YIPF6: variants seen among roughly 807,000 people sequenced by gnomAD.
YIPF6 encodes Yip1 domain family member 6, also known as protein YIPF6.
YIPF6 carries 3 observed loss-of-function variants against 16.8 expected under a neutral mutation model. The ratio of observed to expected loss-of-function variants is 0.18; its 90% confidence interval spans 0.08 to 0.46. YIPF6 has a LOEUF of 0.46. Among genes scored for constraint, YIPF6 ranks in the 20% least tolerant of loss-of-function variants. YIPF6 has a pLI of 0.98. For missense variants in YIPF6, 145 were observed against 184.9 expected (o/e 0.78, Z 1.25); for synonymous variants, 67 against 61.9 (o/e 1.08, Z -0.38).
intron 1 of YIPF6, among the ~76,000 whole-genome samples, chrX:68,509,208 C>G: frequency 9.1e-6 from 1 of 109,366 alleles, no homozygotes; most frequent in East Asian, 2.9e-4. Flanking sequence ...CTCCTGGGCT[C>G]AAGTGATCCT....
chrX:68,517,485 T>C (rs1333528219), intron 3 of YIPF6, among the ~76,000 whole-genome samples: 1 of 112,461 alleles, frequency 8.9e-6, no homozygotes, highest in East Asian at 2.8e-4. Context: ...CTAGACCTGA[T>C]GTTGGCAGAG....
chrX:68,527,158 A>G (rs1446659652), intron 6 of YIPF6, among the ~76,000 whole-genome samples: 1 of 111,550 alleles, frequency 9.0e-6, no homozygotes, highest in African/African-American at 3.3e-5. Flanking sequence ...AGAACTTATT[A>G]TTGGTCTATT....
At chrX:68,509,781 A>C (rs781591970) in intron 1 of YIPF6, among the ~76,000 whole-genome samples, 3 of 110,717 alleles carry the variant, frequency 2.7e-5, no homozygotes, top group Non-Finnish European at 5.7e-5. Context: ...GTGAGTTGTC[A>C]CCTGTGTTCT....
In YIPF6 at chrX:68,535,038, A is replaced by G. The variant is rs969133536; in HGVS notation, c.*3039A>G. On this transcript the variant is annotated 3_prime_UTR_variant, in exon 7 of 7. Transcript: ENST00000462683. ...GAGTATAAAAACTCAATTGATTCCA[A>G]CATATCTGAATGTGCAGTAAAGTCT... 6.2e-5 allele frequency: 7 copies of G among 112,669 alleles called. No individual in the cohort carries two copies. Among genetic ancestry groups the G allele is most frequent in the African/African-American group, 2.3e-4 (7 of 31,059 alleles). The allele number at this position is 112,669 out of a possible 1,213,427, so 9.3% of individuals were successfully genotyped here.
intron 6 of YIPF6, among the ~76,000 whole-genome samples, chrX:68,526,350 G>A (rs1381854228): frequency 1.8e-5 from 2 of 111,875 alleles, no homozygotes; most frequent in Non-Finnish European, 3.8e-5. Flanking sequence ...AGACTTTGCT[G>A]AAGTTGCTTA....
chrX:68,513,223 T>C, intron 2 of YIPF6, 104 bp from the exon 3 acceptor site: 1 of 567,311 alleles, frequency 1.8e-6, no homozygotes, highest in Non-Finnish European at 2.8e-6. Flanking sequence ...CAAAATTCAG[T>C]GAAGAGTTCA....
intron 1 of YIPF6, among the ~76,000 whole-genome samples, chrX:68,507,481 A>T (rs745969163): frequency 9.0e-6 from 1 of 111,041 alleles, no homozygotes; most frequent in Non-Finnish European, 1.9e-5. Flanking sequence ...TTCAGTGTTG[A>T]TAGTTTTATT....
At chrX:68,504,564 T>C (rs2079052990) in intron 1 of YIPF6, among the ~76,000 whole-genome samples, 2 of 112,022 alleles carry the variant, frequency 1.8e-5, no homozygotes, top group African/African-American at 3.2e-5. Flanking sequence ...CAGGAAATTC[T>C]AAGTTTAGAG....
rs1438407499 is a variant in YIPF6, at chrX:68,499,078, G to A, written c.12G>A (p.Ala4=). ...GAAGGAGGGCCAAGATGGCGGAAGCGGAGGAGTCTCCAGGAGACCCGGGGA... is the reference window on the plus strand; with the variant it reads ...GAAGGAGGGCCAAGATGGCGGAAGCAGAGGAGTCTCCAGGAGACCCGGGGA... The part of the protein sequence containing the change: MAE[A]EESPGDPGTA... The change falls in exon 1 of 7, where the codon GCG becomes GCA. Residue 4 remains alanine, a synonymous_variant. Transcript: ENST00000462683. The A allele has an allele frequency of 3.4e-6, 4 of 1,189,812 alleles. No individual in the cohort carries two copies. Among genetic ancestry groups the A allele is most frequent in the Non-Finnish European group, 4.5e-6 (4 of 884,274 alleles).
intron 1 of YIPF6, among the ~76,000 whole-genome samples, chrX:68,507,929 C>T (rs767289023): frequency 8.1e-5 from 9 of 110,522 alleles, no homozygotes; most frequent in Non-Finnish European, 1.5e-4. Flanking sequence ...ATCTTTGTTC[C>T]TGTAAATGCA....
At chrX:68,503,979 A>G (rs1293222516) in intron 1 of YIPF6, among the ~76,000 whole-genome samples, 1 of 112,182 alleles carries the variant, frequency 8.9e-6, no homozygotes, top group African/African-American at 3.2e-5. Context: ...TTGGCCTCCC[A>G]AATTGCTGGG....
At chrX:68,518,957 G>A (rs1202893448) in intron 4 of YIPF6, 145 bp downstream of exon 4, 9 of 511,541 alleles carry the variant, frequency 1.8e-5, no homozygotes, top group South Asian at 1.2e-4. Context: ...AGGTATTTAA[G>A]CCTCTAAAGT....
chrX:68,525,401 T>G (rs2079143631), intron 6 of YIPF6, among the ~76,000 whole-genome samples: 1 of 112,326 alleles, frequency 8.9e-6, no homozygotes, highest in Non-Finnish European at 1.9e-5. Flanking sequence ...GTCAGATGGA[T>G]AGATTGCAAA....
intron 5 of YIPF6, among the ~76,000 whole-genome samples, chrX:68,522,463 A>AT (rs1290524854): frequency 3.7e-5 from 4 of 108,412 alleles, no homozygotes; most frequent in East Asian, 2.9e-4. Context: ...TGCCCGGCTA[A>AT]TTTTTTTTTG....
intron 4 of YIPF6, among the ~76,000 whole-genome samples, chrX:68,520,609 C>G: frequency 9.0e-6 from 1 of 111,343 alleles, no homozygotes; most frequent in Non-Finnish European, 1.9e-5. Context: ...GTAGCTAGGA[C>G]TATAGGCGTG....
rs200350685 is a variant in YIPF6 at position 68,527,388 on chromosome X, C to T, written c.592+4471C>T. Among the ~76,000 whole-genome samples the T allele has an allele frequency of 1.8e-3, 205 of 110,998 alleles. 1 individual carries two copies. The highest frequency in any genetic ancestry group is 1.7e-3 in the Non-Finnish European group (88 of 52,938). On this transcript the variant is annotated intron_variant, in intron 6 of 6. Transcript: ENST00000462683. ...TTTTCTTCTTTATTAGTCTGGCTAG[C>T]GGTCTATTTTGTTAATCTTTCCAAA...
intron 1 of YIPF6, among the ~76,000 whole-genome samples, chrX:68,504,969 C>T (rs184352348): frequency 3.9e-4 from 44 of 111,930 alleles, no homozygotes; most frequent in African/African-American, 1.2e-3. Flanking sequence ...CATGTGAGAT[C>T]CCTGTTTGAC....
Position 68,520,730 on chromosome X carries a change from C to G in YIPF6, c.309-642C>G, listed in dbSNP as rs182326691. 3.6e-5 allele frequency among the ~76,000 whole-genome samples: 4 copies of G among 111,845 alleles called. No individual in the cohort carries two copies. The Admixed American group carries it at 3.8e-4, about 11-fold the overall frequency. ...CAAGCGATCTGCCTGTCGTGGCCTC[C>G]CAAAGTGCTGAGATTACAGGCTAAG... On this transcript the variant is annotated intron_variant, in intron 4 of 6. Coordinates refer to ENST00000462683, the MANE Select transcript of YIPF6 (RefSeq NM_173834.4).
rs139876273 is a variant in YIPF6, at chrX:68,512,597, A to G, written c.186+620A>G. Among the ~76,000 whole-genome samples, 20 of 112,457 alleles carry G rather than the reference A, an allele frequency of 1.8e-4. No homozygotes were observed. The East Asian group carries it at 4.7e-3, about 27-fold the overall frequency. ...GTATCAATATACAAAGATGTTTATT[A>G]TAGCATTCTTTGTAATAGGGGAAAG... On this transcript the variant is annotated intron_variant, in intron 2 of 6. Transcript: ENST00000462683.
Sources: allele counts gnomAD v4.1 joint callset (sites outside exome capture counted in the v4.1 genomes callset), GRCh38; gene constraint gnomAD v4.1.1; transcripts MANE v1.5; gene names NCBI Gene and HGNC (gene_info 2026-07-23, HGNC 2026-07-21).